The following PTPN2 variants were observed in gnomAD, a reference collection of about 807,000 sequenced individuals.
PTPN2 encodes protein tyrosine phosphatase non-receptor type 2, also known as tyrosine-protein phosphatase non-receptor type 2.
PTPN2 carries 19 observed loss-of-function variants against 57.3 expected under a neutral mutation model. The ratio of observed to expected loss-of-function variants is 0.33; its 90% CI spans 0.23 to 0.49. PTPN2 has a LOEUF of 0.49. PTPN2 is among the 20% of genes least tolerant of loss of function. PTPN2 has a pLI of 0.99. For missense variants in PTPN2, 358 were observed against 501.1 expected, an observed-to-expected ratio of 0.71 and a Z score of 2.73; for synonymous variants, 153 against 164.9, an observed-to-expected ratio of 0.93 and a Z score of 0.55.
chr18:12,835,428 T>C (rs1452699475), intron 3 of PTPN2, among the ~76,000 whole-genome samples: 1 of 127,154 alleles, frequency 7.9e-6, no homozygotes, highest in Non-Finnish European at 1.6e-5. Flanking sequence ...CAGGCTGGAG[T>C]GCAGTGGCAC....
At chr18:12,837,003 TAGC>T in intron 2 of PTPN2, 112 bp from the exon 3 acceptor site, 1 of 685,792 alleles carries the variant, frequency 1.5e-6, no homozygotes, top group South Asian at 1.9e-5. Context: ...AAAAATGAAT[TAGC>T]ATCATAATAG....
Position 12,884,217 on chromosome 18 carries a change from C to A in PTPN2, c.-76G>T. The A allele has an allele frequency of 8.3e-7, 1 of 1,198,964 alleles. No individual in the cohort carries two copies. Among genetic ancestry groups the A allele is most frequent in the South Asian group, 1.7e-5 (1 of 60,534 alleles). The allele number at this position is 1,198,964 out of a possible 1,614,324, so 74.3% of individuals were successfully genotyped here. On this transcript the variant is annotated 5_prime_UTR_variant, in exon 1 of 9. Transcript: ENST00000309660. ...CAGGCCCCGCACGATCCGGGGAGAG[C>A]GCTGGCGCTGCGGCGCATGCGCGCT...
At position 12,870,377 on chromosome 18, in the gene PTPN2, ATATATACG is replaced by A. The variant is rs1393666872; in HGVS notation, c.70-11131_70-11124del. On this transcript the variant is annotated intron_variant, in intron 1 of 8. Coordinates refer to ENST00000309660, the MANE Select transcript of PTPN2 (RefSeq NM_002828.4). ...TGTATATATATGTGTATATATACAT[ATATATACG>A]TATATATGTATATATACACGTATAT... Among the ~76,000 whole-genome samples the A allele has an allele frequency of 5.0e-3, 320 of 64,030 alleles. 59 individuals carry two copies. Among genetic ancestry groups the A allele is most frequent in the African/African-American group, 0.031 (282 of 9,132 alleles). 42.0% of individuals were successfully genotyped at this position (64,030 alleles called of 152,430 possible). A position where few individuals can be genotyped will look rare whatever the true frequency, so the allele number is the denominator to read the frequency against.
At chr18:12,831,473 A>G (rs2042667385) in intron 3 of PTPN2, among the ~76,000 whole-genome samples, 1 of 152,210 alleles carries the variant, frequency 6.6e-6, no homozygotes, top group African/African-American at 2.4e-5. Flanking sequence ...TGTACAATCT[A>G]TAGGCAAATC....
chr18:12,829,262 T>A (rs377350537), intron 4 of PTPN2, among the ~76,000 whole-genome samples: 1 of 151,842 alleles, frequency 6.6e-6, no homozygotes, highest in Non-Finnish European at 1.5e-5. Flanking sequence ...ACGCCTGTAA[T>A]CCCAGCACTT....
Position 12,825,838 on chromosome 18 carries a change from A to T in PTPN2, c.467T>A (p.Val156Glu). The T allele has an allele frequency of 6.2e-7, 1 of 1,609,978 alleles. No individual in the cohort carries two copies. Among genetic ancestry groups the T allele is most frequent in the Non-Finnish European group, 8.5e-7 (1 of 1,178,920 alleles). Residue 156 changes from valine (V) to glutamate (E), a missense_variant, in exon 5 of 9, where the codon GTA becomes GAA. Val to Glu is a moderately radical substitution (Grantham distance 121). Transcript: ENST00000309660. ...LSEDVKSYYT[V>E]HLLQLENINS... Reference sequence around the variant, plus strand: ...GATATTTTCTAATTGTAGTAGATGTACTGTATAATACGACTTCACATCTTC... The same window carrying T: ...GATATTTTCTAATTGTAGTAGATGTTCTGTATAATACGACTTCACATCTTC...
chr18:12,799,897 C>A (rs1342341827), intron 8 of PTPN2, among the ~76,000 whole-genome samples: 1 of 152,162 alleles, frequency 6.6e-6, no homozygotes, highest in East Asian at 1.9e-4. Flanking sequence ...TCCCACAGCA[C>A]TGAGATTACA....
chr18:12,816,750 A>C (rs1272957291), intron 6 of PTPN2, among the ~76,000 whole-genome samples: 2 of 152,196 alleles, frequency 1.3e-5, no homozygotes, highest in African/African-American at 4.8e-5. Context: ...TAATTCATTG[A>C]ATTCTCACAG....
intron 9 of PTPN2, chr18:12,786,779 A>G (rs2040854541): frequency 6.6e-6 from 1 of 152,224 alleles, no homozygotes; most frequent in Admixed American, 6.5e-5. Context: ...CCCTTTAAAG[A>G]CAGGGCACTT....
chr18:12,813,290 T>C (rs1415939370), intron 7 of PTPN2, among the ~76,000 whole-genome samples: 1 of 152,242 alleles, frequency 6.6e-6, no homozygotes, highest in Non-Finnish European at 1.5e-5. Flanking sequence ...ACTGCCAAAG[T>C]GACCCTGGCA....
At chr18:12,857,809 C>A (rs1475491017) in intron 2 of PTPN2, among the ~76,000 whole-genome samples, 2 of 152,164 alleles carry the variant, frequency 1.3e-5, no homozygotes, top group African/African-American at 4.8e-5. Flanking sequence ...AACCACTCTT[C>A]TAGCTACTTG....
chr18:12,850,884 C>A (rs1403022529), intron 2 of PTPN2, among the ~76,000 whole-genome samples: 4 of 152,080 alleles, frequency 2.6e-5, no homozygotes, highest in Non-Finnish European at 4.4e-5. Flanking sequence ...AGATTACAGG[C>A]ATGCACCACT....
At chr18:12,828,896 C>CA (rs1020703465) in intron 4 of PTPN2, among the ~76,000 whole-genome samples, 3 of 151,608 alleles carry the variant, frequency 2.0e-5, no homozygotes, top group Admixed American at 1.3e-4. Flanking sequence ...TTACAGACAG[C>CA]AAAAAAAATT....
downstream of PTPN2, among the ~76,000 whole-genome samples, chr18:12,791,653 C>G (rs761421827): frequency 2.0e-5 from 3 of 151,922 alleles, no homozygotes; most frequent in Non-Finnish European, 4.4e-5. Flanking sequence ...TTTAAAGCAT[C>G]CACTGTCAAT....
chr18:12,883,768 A>G (rs1439522136), intron 1 of PTPN2: 2 of 268,046 alleles, frequency 7.5e-6, no homozygotes, highest in Non-Finnish European at 1.4e-5. Flanking sequence ...GGGCCGCGCA[A>G]CGCTGGTGGC....
intron 5 of PTPN2, among the ~76,000 whole-genome samples, chr18:12,820,883 T>C (rs905619040): frequency 1.3e-5 from 2 of 152,228 alleles, no homozygotes; most frequent in Admixed American, 6.5e-5. Context: ...GAATTCTAAA[T>C]TTAAAGTCTT....
chr18:12,857,638 A>C (rs565139165), intron 2 of PTPN2, among the ~76,000 whole-genome samples: 2 of 152,308 alleles, frequency 1.3e-5, no homozygotes, highest in East Asian at 1.9e-4. Flanking sequence ...TCTCAATCAG[A>C]GATTTGGAGG....
chr18:12,808,997 G>T (rs2041796291), intron 7 of PTPN2, among the ~76,000 whole-genome samples: 1 of 152,162 alleles, frequency 6.6e-6, no homozygotes, highest in African/African-American at 2.4e-5. Context: ...CAGTCTAGGG[G>T]AGAACTAACG....
rs186085987 is a variant in PTPN2, at chr18:12,877,273, G to A, written c.69+6800C>T. The stretch of plus-strand genomic sequence containing the variant: ...TCAAGGAGCTACACAGAACAGACAA[G>A]TAGACAGTTACAAAACAATGTGGTT... On this transcript the variant is annotated intron_variant, in intron 1 of 8. Transcript: ENST00000309660. Among the ~76,000 whole-genome samples the A allele has an allele frequency of 4.6e-5, 7 of 152,294 alleles. No individual in the cohort carries two copies. The East Asian group carries it at 1.3e-3, about 29-fold the overall frequency.
Sources: allele counts gnomAD v4.1 joint callset (sites outside exome capture counted in the v4.1 genomes callset), GRCh38; gene constraint gnomAD v4.1.1; transcripts MANE v1.5; gene names NCBI Gene and HGNC (gene_info 2026-07-23, HGNC 2026-07-21).